Variants in RNMT observed in about 807,000 individuals in gnomAD.
The protein encoded by RNMT is RNA guanine-7 methyltransferase, also known as mRNA cap guanine-N(7) methyltransferase.
A neutral mutation model predicts 56.0 loss-of-function variants in RNMT; 27 were observed. The observed-to-expected ratio is 0.48, with a 90% CI of 0.36 to 0.67. RNMT has a LOEUF of 0.67. Among genes scored for constraint, RNMT ranks in the 30% least tolerant of loss-of-function variants. The pLI is 0.00. For synonymous variants in RNMT, 184 were observed against 176.2 expected, an observed-to-expected ratio of 1.04 and a Z score of -0.35; for missense variants, 519 against 552.1, an observed-to-expected ratio of 0.94 and a Z score of 0.60.
intron 8 of RNMT, among the ~76,000 whole-genome samples, chr18:13,744,608 G>T (rs992248660): frequency 6.6e-6 from 1 of 152,134 alleles, no homozygotes; most frequent in Non-Finnish European, 1.5e-5. Flanking sequence ...AAAATGAACT[G>T]CCTGGAATAA....
chr18:13,741,557 C>G lies in RNMT; in HGVS notation c.840C>G (p.Ile280Met). The G allele has an allele frequency of 6.2e-7, 1 of 1,613,720 alleles. No homozygotes were observed. Among genetic ancestry groups the G allele is most frequent in the Non-Finnish European group, 8.5e-7 (1 of 1,179,824 alleles). ...KFRDPQMCFD[I>M]CSCQFVCHYS... The stretch of plus-strand genomic sequence containing the variant: ...GTGACCCACAAATGTGTTTTGACAT[C>G]TGCAGTTGTCAGTTTGTCTGTCATT... Residue 280 changes from isoleucine to methionine, a missense_variant, in exon 7 of 12, where the codon ATC becomes ATG. Coordinates refer to ENST00000383314, the MANE Select transcript of RNMT (RefSeq NM_003799.3).
rs3744815 is a variant in RNMT, at chr18:13,761,648, C to T, written c.*1669C>T. 2.0e-6 allele frequency: 2 copies of T among 1,010,236 alleles called. 1 individual carries two copies. Among genetic ancestry groups the T allele is most frequent in the East Asian group, 2.2e-4 (2 of 9,242 alleles). The allele number at this position is 1,010,236 out of a possible 1,614,324, so 62.6% of individuals were successfully genotyped here. ...CAGGGAGAACAGAAAGGTAGAGTTA[C>T]TAAGGCCTTCAGTGAACAGAAAGGA... On this transcript the variant is annotated 3_prime_UTR_variant, in exon 12 of 12. Coordinates refer to ENST00000383314, the MANE Select transcript of RNMT (RefSeq NM_003799.3).
Position 13,757,653 on chromosome 18 carries a change from A to C in RNMT, c.1394-2289A>C, listed in dbSNP as rs71353292. Reference sequence around the variant, plus strand: ...CATCCCGTCTGCAGCTACTTCCTCCACTGATGTGTTGAACCCCTTGAAGTC... The same window carrying C: ...CATCCCGTCTGCAGCTACTTCCTCCCCTGATGTGTTGAACCCCTTGAAGTC... On this transcript the variant is annotated intron_variant, in intron 11 of 11. Coordinates refer to ENST00000383314, the MANE Select transcript of RNMT (RefSeq NM_003799.3). Among the ~76,000 whole-genome samples the C allele has an allele frequency of 5.7e-3, 870 of 152,094 alleles. 6 individuals are homozygous for C. Among genetic ancestry groups the C allele is most frequent in the Middle Eastern group, 0.01 (3 of 294 alleles).
Position 13,731,568 on chromosome 18 carries a change from G to A in RNMT, c.51G>A (p.Gln17=). ...AATATGAAAAGATGTCTCTTGAACA[G>A]GCAAAAGCGTCAGTGAATTCTGAAA... ...AEEYEKMSLE[Q]AKASVNSETE... is the part of the protein sequence containing the mutation. Residue 17 remains glutamine (Q), a synonymous_variant, in exon 3 of 12, where the codon CAG becomes CAA. Coordinates refer to ENST00000383314, the MANE Select transcript of RNMT (RefSeq NM_003799.3). 2 of 1,611,970 alleles carry A rather than the reference G, an allele frequency of 1.2e-6. No individual in the cohort carries two copies. Among genetic ancestry groups the A allele is most frequent in the East Asian group, 2.2e-5 (1 of 44,862 alleles).
At chr18:13,743,583 A>G (rs1190327758) in intron 8 of RNMT, among the ~76,000 whole-genome samples, 13 of 152,076 alleles carry the variant, frequency 8.5e-5, no homozygotes, top group Non-Finnish European at 4.4e-5. Flanking sequence ...TAAGGCTTCA[A>G]GGCCTTGTGA....
intron 3 of RNMT, 54 bp downstream of exon 3, chr18:13,731,988 T>G: frequency 7.2e-7 from 1 of 1,397,338 alleles, no homozygotes; most frequent in South Asian, 1.4e-5. Flanking sequence ...GTTTGAAATG[T>G]GGAACACCCG....
chr18:13,728,218 A>G (rs1219506942), intron 1 of RNMT, among the ~76,000 whole-genome samples: 5 of 151,416 alleles, frequency 3.3e-5, no homozygotes, highest in South Asian at 2.1e-4. Context: ...CAGTATGTAA[A>G]TTAGTGGCTG....
intron 5 of RNMT, among the ~76,000 whole-genome samples, 153 bp from the exon 6 acceptor site, chr18:13,740,014 C>T (rs193086981): frequency 3.3e-5 from 5 of 152,230 alleles, no homozygotes; most frequent in South Asian, 2.1e-4. Context: ...GTATTTGCGT[C>T]GGAACAAAGC....
rs2044630189 is a variant in RNMT at position 13,762,268 on chromosome 18, T to G, written c.*2289T>G. The G allele has an allele frequency of 8.1e-7, 1 of 1,232,972 alleles. No individual in the cohort carries two copies. The highest frequency in any genetic ancestry group is 1.1e-6 in the Non-Finnish European group (1 of 909,366). 76.4% of individuals were successfully genotyped at this position (1,232,972 alleles called of 1,614,324 possible). A position where few individuals can be genotyped will look rare whatever the true frequency, so the allele number is the denominator to read the frequency against. The stretch of plus-strand genomic sequence containing the variant: ...GGCTGGATTGTGATTTAACCAAGAA[T>G]GCTGATGTTGAATTCTTTGGGCCTA... On this transcript the variant is annotated 3_prime_UTR_variant, in exon 12 of 12. Transcript: ENST00000383314.
In RNMT at chr18:13,752,400, G is replaced by A; in HGVS notation, c.1332G>A (p.Met444Ile). 6.2e-7 allele frequency: 1 copy of A among 1,611,388 alleles called. No individual in the cohort carries two copies. The highest frequency in any genetic ancestry group is 8.5e-7 in the Non-Finnish European group (1 of 1,177,720). Reference sequence around the variant, plus strand: ...ACTATGAACATGCAGCAAAGTACATGAAGAACAGTCAAGTAAGGTTACCTT... The same window carrying A: ...ACTATGAACATGCAGCAAAGTACATAAAGAACAGTCAAGTAAGGTTACCTT... ...VDDYEHAAKY[M>I]KNSQVRLPLG... Residue 444 changes from methionine (M) to isoleucine (I), a missense_variant, in exon 10 of 12, where the codon ATG (methionine) becomes ATA (isoleucine). By Grantham distance (10) the Met-to-Ile change is conservative. Coordinates refer to ENST00000383314, the MANE Select transcript of RNMT (RefSeq NM_003799.3).
intron 10 of RNMT, 37 bp downstream of exon 10, chr18:13,752,464 GA>G (rs1384950017): frequency 7.8e-6 from 10 of 1,286,194 alleles, no homozygotes; most frequent in Admixed American, 1.8e-5. Flanking sequence ...TATAGAGAAT[GA>G]AAAAAAGAAC....
chr18:13,733,258 G>A (rs532577895), intron 3 of RNMT, among the ~76,000 whole-genome samples: 1 of 152,228 alleles, frequency 6.6e-6, no homozygotes, highest in East Asian at 1.9e-4. Context: ...ACCTATCATG[G>A]CATTTTTACA....
intron 1 of RNMT, among the ~76,000 whole-genome samples, chr18:13,728,318 TTTTTTTTTTTTTTGTGTGTGTGTG>T (rs2044001821): frequency 1.4e-4 from 2 of 14,136 alleles, no homozygotes; most frequent in African/African-American, 2.9e-4. Flanking sequence ...TTTTTTTTTT[TTTTTTTTTTTTTTGTGTGTGTGTG>T]TGTGTGTGTG....
chr18:13,759,987 G>C lies in RNMT; in HGVS notation c.*8G>C. Reference sequence around the variant, plus strand: ...TTTGAGAAACAGCAGTGAGCACATAGGCAGTAGTCCCAGAGGGGCCGTGTT... The same window carrying C: ...TTTGAGAAACAGCAGTGAGCACATACGCAGTAGTCCCAGAGGGGCCGTGTT... On this transcript the variant is annotated 3_prime_UTR_variant, in exon 12 of 12. Transcript: ENST00000383314. 6.2e-7 allele frequency: 1 copy of C among 1,613,098 alleles called. No homozygotes were observed. Among genetic ancestry groups the C allele is most frequent in the Non-Finnish European group, 8.5e-7 (1 of 1,179,404 alleles).
intron 9 of RNMT, among the ~76,000 whole-genome samples, chr18:13,747,723 TAATC>T (rs1408314482): frequency 6.6e-6 from 1 of 152,240 alleles, no homozygotes; most frequent in African/African-American, 2.4e-5. Context: ...TTAAGAGACA[TAATC>T]AGTAAAATTT....
At chr18:13,740,845 A>G (rs1180042642) in intron 6 of RNMT, among the ~76,000 whole-genome samples, 1 of 152,202 alleles carries the variant, frequency 6.6e-6, no homozygotes, top group African/African-American at 2.4e-5. Flanking sequence ...TATGGACATC[A>G]TTTATTTTCC....
chr18:13,760,048 T>C lies in RNMT; in HGVS notation c.*69T>C, dbSNP rs2044600638. The C allele has an allele frequency of 6.4e-7, 1 of 1,571,560 alleles. No individual in the cohort carries two copies. The highest frequency in any genetic ancestry group is 8.6e-7 in the Non-Finnish European group (1 of 1,157,264). On this transcript the variant is annotated 3_prime_UTR_variant, in exon 12 of 12. Transcript: ENST00000383314. ...CAAATTTGAACAACTCATCTCGATA[T>C]ATTTGATATTTCTCTGTCTGTTGAT...
Position 13,762,045 on chromosome 18 carries a change from C to A in RNMT, c.*2066C>A, listed in dbSNP as rs367884358. On this transcript the variant is annotated 3_prime_UTR_variant, in exon 12 of 12. Transcript: ENST00000383314. ...TGTTCGGTATTCTATTCAGGACTTA[C>A]GGTAACTATTATGAGGGAGGCATGG... 8 of 1,536,062 alleles carry A rather than the reference C, an allele frequency of 5.2e-6. No individual in the cohort carries two copies. The highest frequency in any genetic ancestry group is 6.1e-6 in the Non-Finnish European group (7 of 1,146,864).
intron 9 of RNMT, among the ~76,000 whole-genome samples, chr18:13,751,208 T>C (rs1220595579): frequency 6.6e-6 from 1 of 152,208 alleles, no homozygotes; most frequent in African/African-American, 2.4e-5. Context: ...GAGAAAATTT[T>C]TGCCGTCTAC....
Sources: allele counts gnomAD v4.1 joint callset (sites outside exome capture counted in the v4.1 genomes callset), GRCh38; gene constraint gnomAD v4.1.1; transcripts MANE v1.5; gene names NCBI Gene and HGNC (gene_info 2026-07-23, HGNC 2026-07-21).